The following TMEM59 variants were observed in gnomAD, a reference collection of about 807,000 sequenced individuals.
TMEM59 encodes transmembrane protein 59.
A neutral mutation model predicts 42.2 loss-of-function variants in TMEM59; 44 were observed. That is an observed-to-expected ratio of 1.04 (90% CI 0.82 to 1.34). The LOEUF (loss-of-function observed/expected upper bound fraction) is 1.34. Ranked by LOEUF, TMEM59 falls within the 40% of genes most tolerant of loss-of-function variation. The pLI, the probability that TMEM59 is intolerant of heterozygous loss-of-function variation, is 0.00. For missense variants in TMEM59, 359 were observed against 382.8 expected (o/e 0.94, Z 0.52); for synonymous variants, 148 against 145.8 (o/e 1.02, Z -0.11).
At chr1:54,043,581 A>C in intron 3 of TMEM59, 56 bp from the exon 4 acceptor site, 1 of 1,175,172 alleles carries the variant, frequency 8.5e-7, no homozygotes, top group Admixed American at 3.6e-5. Context: ...TATATTCAAA[A>C]GAACAATATA....
intron 1 of TMEM59, 121 bp downstream of exon 1, chr1:54,052,879 G>T: frequency 8.8e-7 from 1 of 1,131,904 alleles, no homozygotes; most frequent in Non-Finnish European, 1.3e-6. Flanking sequence ...GAGCTACACA[G>T]ATGGGAGACA....
chr1:54,047,313 C>T lies in TMEM59; in HGVS notation c.249G>A (p.Val83=). Residue 83 remains valine (V), a synonymous_variant, in exon 2 of 8, where the codon GTG becomes GTA. Transcript: ENST00000234831. ...TTCGATTTAAGTCAATTCCATCATCCACAAACTGACAAATTGAAAACAGCC... is the reference window on the plus strand; with the variant it reads ...TTCGATTTAAGTCAATTCCATCATCTACAAACTGACAAATTGAAAACAGCC... ...GCRLFSICQF[V]DDGIDLNRTK... 6.2e-7 allele frequency: 1 copy of T among 1,613,892 alleles called. No homozygotes were observed. Among genetic ancestry groups the T allele is most frequent in the Non-Finnish European group, 8.5e-7 (1 of 1,179,932 alleles).
chr1:54,052,035 TGGTTAA>T (rs1340184752), intron 1 of TMEM59, among the ~76,000 whole-genome samples: 1 of 151,952 alleles, frequency 6.6e-6, no homozygotes, highest in Non-Finnish European at 1.5e-5. Context: ...CCAGCCACAA[TGGTTAA>T]GCAAATAGCA....
chr1:54,042,118 C>A (rs984045173), intron 4 of TMEM59, among the ~76,000 whole-genome samples: 1 of 150,420 alleles, frequency 6.6e-6, no homozygotes, highest in Non-Finnish European at 1.5e-5. Flanking sequence ...AAATACTATA[C>A]CTTGCAGAAA....
At chr1:54,045,574 T>C (rs1657300830) in intron 3 of TMEM59, 118 bp downstream of exon 3, 1 of 1,018,226 alleles carries the variant, frequency 9.8e-7, no homozygotes, top group Admixed American at 2.2e-5. Flanking sequence ...TTTTGTTTGC[T>C]GAAAGCCAAA....
At chr1:54,033,081 C>T (rs34370448) in intron 7 of TMEM59, 44,027 of 151,954 alleles carry the variant, frequency 0.29, 6,965 homozygotes, top group Admixed American at 0.43. Flanking sequence ...GCATGCACCA[C>T]CATGCCCAGC....
rs1023660363 is a variant in TMEM59, at chr1:54,031,920, G to C, written c.*230C>G. ...AATAACCAAAGCAAAAAACAAAATA[G>C]CTACAGATATTAGTAAAATAATAAT... is the stretch of plus-strand genomic sequence containing the variant. On this transcript the variant is annotated 3_prime_UTR_variant, in exon 8 of 8. Coordinates refer to ENST00000234831, the MANE Select transcript of TMEM59 (RefSeq NM_004872.5). 4 of 370,946 alleles carry C rather than the reference G, an allele frequency of 1.1e-5. No homozygotes were observed. The highest frequency in any genetic ancestry group is 8.3e-5 in the African/African-American group (4 of 47,940). 23.0% of individuals were successfully genotyped at this position (370,946 alleles called of 1,614,324 possible). A position where few individuals can be genotyped will look rare whatever the true frequency, so the allele number is the denominator to read the frequency against.
At chr1:54,048,201 T>A (rs1033663184) in intron 1 of TMEM59, among the ~76,000 whole-genome samples, 12 of 152,228 alleles carry the variant, frequency 7.9e-5, no homozygotes. Flanking sequence ...AGGGATTTTT[T>A]AAAACTGGGC....
At chr1:54,051,215 A>C (rs1657526891) in intron 1 of TMEM59, among the ~76,000 whole-genome samples, 1 of 152,198 alleles carries the variant, frequency 6.6e-6, no homozygotes, top group African/African-American at 2.4e-5. Context: ...TTTTAAGCTG[A>C]ATTCCTGCTC....
intron 6 of TMEM59, among the ~76,000 whole-genome samples, chr1:54,038,849 T>TA (rs112888342): frequency 0.026 from 3,883 of 152,158 alleles, 114 homozygotes; most frequent in Middle Eastern, 0.078. Context: ...AAAGAACACT[T>TA]AAAAAAATAA....
At chr1:54,032,389 T>A in intron 7 of TMEM59, 84 bp from the exon 8 acceptor site, 1 of 1,267,126 alleles carries the variant, frequency 7.9e-7, no homozygotes, top group Non-Finnish European at 1.0e-6. Flanking sequence ...ATTTAATTTA[T>A]AAATAGTTGG....
At chr1:54,039,143 C>T (rs981366160) in intron 6 of TMEM59, among the ~76,000 whole-genome samples, 2 of 152,096 alleles carry the variant, frequency 1.3e-5, no homozygotes, top group South Asian at 4.1e-4. Flanking sequence ...CCACCGCACT[C>T]GGCCAAAAGA....
At chr1:54,035,650 G>A (rs1297736166) in intron 7 of TMEM59, among the ~76,000 whole-genome samples, 2 of 151,662 alleles carry the variant, frequency 1.3e-5, no homozygotes, top group East Asian at 1.9e-4. Context: ...GTCTTGTTCT[G>A]TCACCAGGCT....
At chr1:54,038,733 T>C (rs1420079221) in intron 6 of TMEM59, among the ~76,000 whole-genome samples, 2 of 152,190 alleles carry the variant, frequency 1.3e-5, no homozygotes, top group Non-Finnish European at 2.9e-5. Flanking sequence ...AGTGACTGTA[T>C]AACCTTGCGA....
chr1:54,040,169 T>G (rs1299622108), intron 6 of TMEM59, among the ~76,000 whole-genome samples: 1 of 152,218 alleles, frequency 6.6e-6, no homozygotes. Flanking sequence ...ATTTTATTTT[T>G]TGAGACAGAG....
chr1:54,052,851 G>T, intron 1 of TMEM59, 149 bp downstream of exon 1: 1 of 868,724 alleles, frequency 1.2e-6, no homozygotes, highest in Non-Finnish European at 1.8e-6. Context: ...GTGCAGGCAG[G>T]ATTAGGGAGG....
intron 1 of TMEM59, among the ~76,000 whole-genome samples, chr1:54,048,344 T>C (rs899534477): frequency 1.3e-5 from 2 of 152,080 alleles, no homozygotes; most frequent in African/African-American, 2.4e-5. Context: ...AGCTTTCTCA[T>C]CAAAAAAGGA....
chr1:54,037,394 AT>A, intron 6 of TMEM59, among the ~76,000 whole-genome samples: 1 of 152,272 alleles, frequency 6.6e-6, no homozygotes, highest in South Asian at 2.1e-4. Flanking sequence ...ATTTTTATTT[AT>A]TTTGAATTTT....
intron 7 of TMEM59, chr1:54,034,800 T>C (rs1403903302): frequency 6.6e-6 from 1 of 151,922 alleles, no homozygotes; most frequent in Non-Finnish European, 1.5e-5. Flanking sequence ...AGTTCAGTGG[T>C]TGATGGGTTG....
Sources: allele counts gnomAD v4.1 joint callset (sites outside exome capture counted in the v4.1 genomes callset), GRCh38; gene constraint gnomAD v4.1.1; transcripts MANE v1.5; gene names NCBI Gene and HGNC (gene_info 2026-07-23, HGNC 2026-07-21).